Variants in VDAC1 observed in about 807,000 individuals in gnomAD.
VDAC1 encodes the protein non-selective voltage-gated ion channel VDAC1.
A neutral mutation model predicts 34.7 loss-of-function variants in VDAC1; 10 were observed. The ratio of observed to expected loss-of-function variants is 0.29; its 90% CI spans 0.18 to 0.49. The LOEUF (loss-of-function observed/expected upper bound fraction) is 0.49. Ranked by LOEUF, VDAC1 falls within the 20% of genes least tolerant of loss-of-function variation. VDAC1 has a pLI of 0.99. For synonymous variants in VDAC1, 130 were observed against 136.0 expected, an observed-to-expected ratio of 0.96 and a Z score of 0.30; for missense variants, 230 against 347.9, an observed-to-expected ratio of 0.66 and a Z score of 2.69.
the VDAC1 span, among the ~76,000 whole-genome samples, chr5:134,103,111 G>T: frequency 6.6e-6 from 1 of 152,166 alleles, no homozygotes; most frequent in African/African-American, 2.4e-5. Context: ...TGTCCAGACG[G>T]TGTCATTCTT....
the VDAC1 span, among the ~76,000 whole-genome samples, chr5:134,044,829 G>A: frequency 2.6e-5 from 4 of 152,334 alleles, no homozygotes; most frequent in East Asian, 7.7e-4. Flanking sequence ...TACTGCGCCA[G>A]AGCTAGGGGC....
the VDAC1 span, among the ~76,000 whole-genome samples, chr5:134,083,184 TTTTTTC>T: frequency 2.7e-4 from 40 of 147,110 alleles, no homozygotes; most frequent in African/African-American, 1.0e-3. Flanking sequence ...CTTTTTCTTT[TTTTTTC>T]TTTTTTTTTT....
At chr5:134,022,354 CAG>C in the VDAC1 span, among the ~76,000 whole-genome samples, 3 of 152,236 alleles carry the variant, frequency 2.0e-5, no homozygotes, top group Non-Finnish European at 4.4e-5. Flanking sequence ...TTATAATAAA[CAG>C]AAATTTATTG....
intron 7 of VDAC1, 33 bp downstream of exon 7, chr5:133,975,838 G>A (rs750103573): frequency 1.2e-6 from 2 of 1,609,584 alleles, no homozygotes; most frequent in Non-Finnish European, 1.7e-6. Flanking sequence ...AGATGGGCCT[G>A]CCTGTGAGAT....
chr5:133,977,090 TGAGAA>T (rs1294619775), intron 6 of VDAC1, among the ~76,000 whole-genome samples: 2 of 151,838 alleles, frequency 1.3e-5, no homozygotes, highest in Admixed American at 6.6e-5. Context: ...GAGAAGAAAA[TGAGAA>T]GAGAACACAG....
At chr5:133,999,073 G>A (rs1010472906) in intron 1 of VDAC1, among the ~76,000 whole-genome samples, 6 of 152,246 alleles carry the variant, frequency 3.9e-5, no homozygotes, top group African/African-American at 1.4e-4. Context: ...CACTTTGGGA[G>A]GCTGAGGCAG....
chr5:134,044,251 G>T, the VDAC1 span, among the ~76,000 whole-genome samples: 2 of 152,178 alleles, frequency 1.3e-5, no homozygotes, highest in African/African-American at 4.8e-5. Context: ...ATCTTCCCTT[G>T]CTGGGGGCCA....
the VDAC1 span, among the ~76,000 whole-genome samples, chr5:134,034,494 G>A: frequency 1.3e-5 from 2 of 152,270 alleles, no homozygotes; most frequent in South Asian, 4.1e-4. Context: ...CAAGCGACGC[G>A]TCCACTAGCC....
At chr5:133,980,580 G>T in intron 6 of VDAC1, 149 bp downstream of exon 6, 1 of 675,782 alleles carries the variant, frequency 1.5e-6, no homozygotes, top group African/African-American at 1.8e-5. Context: ...CAGGCCATGT[G>T]GCTCATCTAA....
the VDAC1 span, among the ~76,000 whole-genome samples, chr5:134,030,544 C>A: frequency 1.3e-5 from 2 of 151,948 alleles, no homozygotes; most frequent in African/African-American, 4.8e-5. Context: ...AAAGCTCAGA[C>A]CAGCAGGTTT....
At chr5:134,037,333 C>T in the VDAC1 span, among the ~76,000 whole-genome samples, 1 of 152,176 alleles carries the variant, frequency 6.6e-6, no homozygotes, top group African/African-American at 2.4e-5. Context: ...TAAATTTCTT[C>T]CCGAGGTGCT....
chr5:134,020,883 C>T, the VDAC1 span, among the ~76,000 whole-genome samples: 1 of 151,888 alleles, frequency 6.6e-6, no homozygotes, highest in African/African-American at 2.4e-5. Context: ...GGAGGCCAGT[C>T]ACAGGGGCTC....
chr5:133,972,894 A>G, intron 8 of VDAC1, 32 bp from the exon 9 acceptor site: 1 of 1,553,750 alleles, frequency 6.4e-7, no homozygotes, highest in Non-Finnish European at 8.9e-7. Flanking sequence ...AGAGGAAAGG[A>G]GGAGGAATGG....
upstream of VDAC1, chr5:134,005,364 C>T (rs185453389): frequency 6.1e-3 from 927 of 152,332 alleles, 7 homozygotes; most frequent in Middle Eastern, 0.02. Context: ...GACTGTTGCT[C>T]CCGAGCTCCG....
chr5:134,062,890 G>A, the VDAC1 span, among the ~76,000 whole-genome samples: 207 of 146,296 alleles, frequency 1.4e-3, 1 homozygote, highest in African/African-American at 4.8e-3. Flanking sequence ...GCCTCCCAAA[G>A]TGCTGGGATT....
the VDAC1 span, among the ~76,000 whole-genome samples, chr5:134,032,970 C>T: frequency 6.6e-6 from 1 of 150,566 alleles, no homozygotes; most frequent in Non-Finnish European, 1.5e-5. Context: ...AAAGTCAAGG[C>T]TATGATTGTA....
chr5:134,074,872 G>C, the VDAC1 span, among the ~76,000 whole-genome samples: 6 of 152,092 alleles, frequency 3.9e-5, no homozygotes, highest in African/African-American at 1.4e-4. Flanking sequence ...ACCACCAAAG[G>C]CTCCTTTGCC....
chr5:134,107,123 GC>G, the VDAC1 span, among the ~76,000 whole-genome samples: 4 of 152,204 alleles, frequency 2.6e-5, no homozygotes, highest in East Asian at 1.9e-4. Context: ...CCAAACCTTT[GC>G]CCTCACACTC....
chr5:134,091,048 CA>C, the VDAC1 span, among the ~76,000 whole-genome samples: 1 of 152,268 alleles, frequency 6.6e-6, no homozygotes, highest in East Asian at 1.9e-4. Context: ...GAACACTATG[CA>C]AGTTTATAAG....
Sources: allele counts gnomAD v4.1 joint callset (sites outside exome capture counted in the v4.1 genomes callset), GRCh38; gene constraint gnomAD v4.1.1; transcripts MANE v1.5; gene names NCBI Gene and HGNC (gene_info 2026-07-23, HGNC 2026-07-21).